The following CNTNAP5 variants were observed in gnomAD, a reference collection of about 807,000 sequenced individuals.
CNTNAP5 encodes the protein contactin-associated protein-like 5.
In CNTNAP5, 72 loss-of-function variants were observed where a neutral mutation model predicts 150.2. The observed-to-expected ratio is 0.48, with a 90% CI of 0.40 to 0.58. The LOEUF (loss-of-function observed/expected upper bound fraction) is 0.58, where lower values mean the gene tolerates loss of function less well. CNTNAP5 is among the 20% of genes least tolerant of loss of function. CNTNAP5 has a pLI of 0.00. For synonymous variants in CNTNAP5, 672 were observed against 619.8 expected, an observed-to-expected ratio of 1.08 and a Z score of -1.25; for missense variants, 1,636 against 1,626.2, an observed-to-expected ratio of 1.01 and a Z score of -0.10.
intron 14 of CNTNAP5, 49 bp downstream of exon 14, chr2:124,747,434 T>G: frequency 6.2e-7 from 1 of 1,601,594 alleles, no homozygotes. Flanking sequence ...GCACATTAAT[T>G]GATGCATAAA....
At chr2:124,238,674 C>T (rs1028280548) in intron 2 of CNTNAP5, among the ~76,000 whole-genome samples, 2 of 152,144 alleles carry the variant, frequency 1.3e-5, no homozygotes, top group African/African-American at 4.8e-5. Context: ...GCCAAAATTA[C>T]AGACAGCATT....
intron 19 of CNTNAP5, among the ~76,000 whole-genome samples, chr2:124,808,706 G>A (rs1220074355): frequency 1.3e-5 from 2 of 152,140 alleles, no homozygotes; most frequent in Non-Finnish European, 1.5e-5. Context: ...TGAACTCACT[G>A]TGGGAAATTG....
At chr2:124,286,759 C>G (rs547389995) in intron 3 of CNTNAP5, among the ~76,000 whole-genome samples, 1 of 151,892 alleles carries the variant, frequency 6.6e-6, no homozygotes, top group Non-Finnish European at 1.5e-5. Context: ...CACCCTTCTC[C>G]TGGGAGAAAT....
In CNTNAP5 at chr2:124,371,362, G is replaced by A. The variant is rs187760680; in HGVS notation, c.382-46081G>A. Among the ~76,000 whole-genome samples the A allele has an allele frequency of 4.4e-3, 668 of 152,190 alleles. 2 individuals are homozygous for A. The highest frequency in any genetic ancestry group is 0.031 in the Middle Eastern group (9 of 292). On this transcript the variant is annotated intron_variant, in intron 3 of 23. Coordinates refer to ENST00000682447, the MANE Select transcript of CNTNAP5 (RefSeq NM_001367498.1). ...CTACCAAAGTATGTAACAAGGGATG[G>A]AAATTCTGATTGAAATAATTATTAT...
rs374013641 is a variant in CNTNAP5 at position 124,647,843 on chromosome 2, G to T, written c.1962G>T (p.Met654Ile). 1.9e-6 allele frequency: 3 copies of T among 1,613,430 alleles called. No homozygotes were observed. The highest frequency in any genetic ancestry group is 2.5e-6 in the Non-Finnish European group (3 of 1,179,756). ...RGANPEKPYA[M>I]ALDYGGSMEQ... ...CTAACCCTGAGAAGCCCTATGCCAT[G>T]GCCTTGGACTACGGGGGCAGCATGG... The change falls in exon 13 of 24, where the codon ATG (methionine) becomes ATT (isoleucine). Residue 654 changes from methionine (M) to isoleucine (I), a missense_variant. Physicochemically the swap from Met to Ile is conservative, Grantham distance 10. Coordinates refer to ENST00000682447, the MANE Select transcript of CNTNAP5 (RefSeq NM_001367498.1).
intron 1 of CNTNAP5, among the ~76,000 whole-genome samples, chr2:124,067,053 GC>G (rs1682179376): frequency 6.6e-6 from 1 of 152,174 alleles, no homozygotes; most frequent in Non-Finnish European, 1.5e-5. Context: ...GAAGACAGGA[GC>G]CTTGTTCCAT....
chr2:124,224,308 C>A (rs1365439514), intron 2 of CNTNAP5, among the ~76,000 whole-genome samples: 1 of 152,050 alleles, frequency 6.6e-6, no homozygotes, highest in East Asian at 1.9e-4. Context: ...CACAAATAGG[C>A]ACAAACAGTA....
intron 18 of CNTNAP5, among the ~76,000 whole-genome samples, chr2:124,791,497 C>T (rs1257787768): frequency 6.6e-6 from 1 of 152,112 alleles, no homozygotes; most frequent in South Asian, 2.1e-4. Context: ...CCCTTTGAGC[C>T]ATCCCACATG....
intron 1 of CNTNAP5, among the ~76,000 whole-genome samples, chr2:124,206,599 G>T (rs2104717959): frequency 6.6e-6 from 1 of 152,254 alleles, no homozygotes; most frequent in East Asian, 1.9e-4. Flanking sequence ...TAAGATGAGG[G>T]ATAGCTAGAG....
At chr2:124,694,623 A>G (rs1471649192) in intron 13 of CNTNAP5, among the ~76,000 whole-genome samples, 3 of 152,200 alleles carry the variant, frequency 2.0e-5, no homozygotes, top group Non-Finnish European at 2.9e-5. Context: ...AAGGTCTCCA[A>G]AAAAATGTGA....
chr2:124,610,698 C>T (rs533519472), intron 12 of CNTNAP5, among the ~76,000 whole-genome samples: 15 of 152,070 alleles, frequency 9.9e-5, no homozygotes, highest in African/African-American at 2.9e-4. Context: ...CGATGGCTCA[C>T]GCCTGTAATC....
chr2:124,510,348 A>AACATACACACAC (rs1279207244), intron 8 of CNTNAP5, among the ~76,000 whole-genome samples: 2 of 68,294 alleles, frequency 2.9e-5, no homozygotes, highest in Admixed American at 4.3e-4. Context: ...TCCATATGTC[A>AACATACACACAC]ACACACACAC....
intron 1 of CNTNAP5, among the ~76,000 whole-genome samples, chr2:124,074,869 TA>T (rs1272599749): frequency 9.9e-5 from 15 of 152,162 alleles, no homozygotes; most frequent in Admixed American, 5.9e-4. Flanking sequence ...CTCCTATTGT[TA>T]TTTGATTCCT....
intron 18 of CNTNAP5, among the ~76,000 whole-genome samples, chr2:124,794,644 T>G (rs1681807033): frequency 6.6e-6 from 1 of 152,222 alleles, no homozygotes; most frequent in African/African-American, 2.4e-5. Context: ...CATTTATTTT[T>G]ACTTTTTATT....
chr2:124,568,005 T>G (rs938779619), intron 11 of CNTNAP5, among the ~76,000 whole-genome samples: 1 of 152,156 alleles, frequency 6.6e-6, no homozygotes, highest in African/African-American at 2.4e-5. Context: ...AGGTCTCATA[T>G]CTAGTAAATG....
At chr2:124,312,351 A>T (rs561467206) in intron 3 of CNTNAP5, among the ~76,000 whole-genome samples, 1 of 152,006 alleles carries the variant, frequency 6.6e-6, no homozygotes, top group Admixed American at 6.5e-5. Flanking sequence ...TTTTATTTTT[A>T]TTTTTTATTT....
At chr2:124,225,555 C>A (rs1686436630) in intron 2 of CNTNAP5, among the ~76,000 whole-genome samples, 1 of 152,144 alleles carries the variant, frequency 6.6e-6, no homozygotes, top group Admixed American at 6.6e-5. Flanking sequence ...GATAGGTATG[C>A]ATTTTGAAAT....
intron 7 of CNTNAP5, 93 bp downstream of exon 7, chr2:124,474,975 T>A: frequency 9.3e-7 from 1 of 1,070,076 alleles, no homozygotes; most frequent in Non-Finnish European, 1.3e-6. Flanking sequence ...ATTCGTAATG[T>A]GTTTATCTTA....
chr2:124,285,380 T>C (rs1175800679), intron 3 of CNTNAP5, among the ~76,000 whole-genome samples: 1 of 152,176 alleles, frequency 6.6e-6, no homozygotes, highest in Non-Finnish European at 1.5e-5. Flanking sequence ...TACTATGTAA[T>C]GCATACATTA....
Sources: gnomAD v4.1 joint callset for allele counts (sites outside exome capture counted in the v4.1 genomes callset) on GRCh38, gnomAD v4.1.1 for gene constraint, MANE v1.5 for transcripts, NCBI Gene and HGNC (gene_info 2026-07-23, HGNC 2026-07-21) for gene names.